HNRNPL: variants seen among roughly 807,000 people sequenced by gnomAD.
HNRNPL encodes epididymis secretory sperm binding protein.
HNRNPL carries 12 observed loss-of-function variants against 64.0 expected under a neutral mutation model. That is an observed-to-expected ratio of 0.19 (90% CI 0.12 to 0.30). The LOEUF (loss-of-function observed/expected upper bound fraction) is 0.30, where lower values mean the gene tolerates loss of function less well. Among genes scored for constraint, HNRNPL ranks in the 10% least tolerant of loss-of-function variants. The pLI is 1.00. For missense variants in HNRNPL, 484 were observed against 797.4 expected, an observed-to-expected ratio of 0.61 and a Z score of 4.73; for synonymous variants, 385 against 313.0, an observed-to-expected ratio of 1.23 and a Z score of -2.43.
Position 38,845,564 on chromosome 19 carries a change from G to A in HNRNPL, c.710+86C>T, listed in dbSNP as rs534499668. On this transcript the variant is annotated intron_variant, in intron 4 of 12. Transcript: ENST00000221419. ...ATGGCAGCCACTCCCGTGGTCAGCA[G>A]ACACATGCTGGCTCAAAGAATGGCC... 10 of 1,095,024 alleles carry A rather than the reference G, an allele frequency of 9.1e-6. No homozygotes were observed. The East Asian group carries it at 1.6e-4, about 18-fold the overall frequency. The allele number at this position is 1,095,024 out of a possible 1,614,324, so 67.8% of individuals were successfully genotyped here.
chr19:38,848,394 G>T (rs2145436857), intron 1 of HNRNPL, among the ~76,000 whole-genome samples: 1 of 152,242 alleles, frequency 6.6e-6, no homozygotes, highest in African/African-American at 2.4e-5. Context: ...CTCCCGGATG[G>T]AAAGTCTTTT....
At chr19:38,849,659 C>A in intron 1 of HNRNPL, 41 bp downstream of exon 1, 1 of 1,305,952 alleles carries the variant, frequency 7.7e-7, no homozygotes, top group Non-Finnish European at 9.7e-7. Context: ...AAATTGTCCC[C>A]CAGTTCCCGG....
chr19:38,848,650 C>T (rs1346802031), intron 1 of HNRNPL, among the ~76,000 whole-genome samples: 2 of 152,192 alleles, frequency 1.3e-5, no homozygotes, highest in African/African-American at 2.4e-5. Context: ...GCACTCCCGC[C>T]AGGTTAGCAG....
intron 7 of HNRNPL, 25 bp from the exon 8 acceptor site, chr19:38,840,401 G>A (rs767578906): frequency 1.3e-6 from 2 of 1,567,546 alleles, no homozygotes; most frequent in Non-Finnish European, 1.7e-6. Flanking sequence ...GGAAAGAGAG[G>A]GAGGACGGGT....
chr19:38,849,366 C>G (rs1205824041), intron 1 of HNRNPL: 3 of 262,320 alleles, frequency 1.1e-5, no homozygotes, highest in Non-Finnish European at 1.4e-5. Context: ...GCGCATGGAG[C>G]CAGCGAAGAA....
intron 4 of HNRNPL, chr19:38,845,373 A>G (rs1421271708): frequency 2.5e-6 from 1 of 396,088 alleles, no homozygotes; most frequent in Non-Finnish European, 4.6e-6. Flanking sequence ...CTCCATCTCA[A>G]TAAATAAATA....
At chr19:38,837,682 CTG>C in intron 10 of HNRNPL, 31 bp from the exon 11 acceptor site, 1 of 1,607,952 alleles carries the variant, frequency 6.2e-7, no homozygotes, top group Non-Finnish European at 8.5e-7. Context: ...TAAATGAACT[CTG>C]AAACAAAAGG....
At chr19:38,838,376 G>C in intron 10 of HNRNPL, 21 bp downstream of exon 10, 1 of 1,596,090 alleles carries the variant, frequency 6.3e-7, no homozygotes, top group Non-Finnish European at 8.6e-7. Flanking sequence ...CCGACTGCCT[G>C]CGCAGCTCCA....
At chr19:38,851,620 C>T (rs978403282), upstream of HNRNPL, among the ~76,000 whole-genome samples, 1 of 152,124 alleles carries the variant, frequency 6.6e-6, no homozygotes, top group Non-Finnish European at 1.5e-5. Flanking sequence ...AAATGGAGGC[C>T]GTGTGTGGTG....
At chr19:38,836,883 G>A in intron 12 of HNRNPL, 103 bp from the exon 13 acceptor site, 1 of 812,528 alleles carries the variant, frequency 1.2e-6, no homozygotes, top group Non-Finnish European at 2.1e-6. Flanking sequence ...CAGGTCAACG[G>A]CAGGGGTCTA....
intron 8 of HNRNPL, chr19:38,839,390 C>T (rs1336605774): frequency 4.6e-6 from 1 of 215,842 alleles, no homozygotes; most frequent in East Asian, 1.2e-4. Flanking sequence ...TGGGTTACAA[C>T]AGAGCAGTGC....
chr19:38,852,008 A>G (rs1308206004), upstream of HNRNPL, among the ~76,000 whole-genome samples: 1 of 151,248 alleles, frequency 6.6e-6, no homozygotes, highest in Non-Finnish European at 1.5e-5. Flanking sequence ...TCCCAACGTC[A>G]GAGGAATGCG....
intron 4 of HNRNPL, chr19:38,845,354 A>G: frequency 3.1e-6 from 1 of 327,548 alleles, no homozygotes; most frequent in East Asian, 7.0e-5. Context: ...CCAGGCAACA[A>G]GGGCTAAACT....
intron 2 of HNRNPL, among the ~76,000 whole-genome samples, chr19:38,846,787 G>A (rs1972310671): frequency 6.6e-6 from 1 of 152,036 alleles, no homozygotes; most frequent in Admixed American, 6.5e-5. Flanking sequence ...CAGCGCCTGT[G>A]GTCCCAGCTA....
At position 38,844,288 on chromosome 19, in the gene HNRNPL, C is replaced by T. The variant is rs193024271; in HGVS notation, c.711-184G>A. Among the ~76,000 whole-genome samples the T allele has an allele frequency of 1.5e-4, 23 of 152,296 alleles. No homozygotes were observed. The East Asian group carries it at 1.5e-3, about 10-fold the overall frequency. On this transcript the variant is annotated intron_variant, in intron 4 of 12. Coordinates refer to ENST00000221419, the MANE Select transcript of HNRNPL (RefSeq NM_001533.3). ...ACCAAAACGGTGTTGATGGACTCAA[C>T]GCTGCCCCGGGTGAGCAGTCACTGG...
At chr19:38,850,067 G>C (rs1435988975), upstream of HNRNPL, 29 of 997,856 alleles carry the variant, frequency 2.9e-5, 1 homozygote, top group South Asian at 8.5e-5. Flanking sequence ...TCCCGCCGCG[G>C]GGGGAGGGTA....
chr19:38,838,387 C>G lies in HNRNPL; in HGVS notation c.1557+10G>C, dbSNP rs778638612. 9 of 1,601,820 alleles carry G rather than the reference C, an allele frequency of 5.6e-6. No individual in the cohort carries two copies. Among genetic ancestry groups the G allele is most frequent in the Non-Finnish European group, 7.7e-6 (9 of 1,169,858 alleles). On this transcript the variant is annotated intron_variant, in intron 10 of 12. Transcript: ENST00000221419. The stretch of plus-strand genomic sequence containing the variant: ...GGACCCGACTGCCTGCGCAGCTCCA[C>G]GGCACACACCTCAAAGAAGTTCTCC...
chr19:38,840,793 G>C, intron 6 of HNRNPL: 1 of 542,396 alleles, frequency 1.8e-6, no homozygotes, highest in Non-Finnish European at 3.2e-6. Context: ...GCCTTGTTCT[G>C]TGAAGGACAA....
At chr19:38,843,418 A>T (rs1972178997) in intron 6 of HNRNPL, 1 of 199,534 alleles carries the variant, frequency 5.0e-6, no homozygotes, top group African/African-American at 2.3e-5. Flanking sequence ...AGGAGACCTC[A>T]TCGCCCCCCA....
Sources: allele counts gnomAD v4.1 joint callset (sites outside exome capture counted in the v4.1 genomes callset), GRCh38; gene constraint gnomAD v4.1.1; transcripts MANE v1.5; gene names NCBI Gene and HGNC (gene_info 2026-07-23, HGNC 2026-07-21).